The following CPN1 variants were observed in gnomAD, a reference collection of about 807,000 sequenced individuals.
The protein encoded by CPN1 is carboxypeptidase N catalytic chain.
A neutral mutation model predicts 46.4 loss-of-function variants in CPN1; 37 were observed. The observed-to-expected ratio is 0.80, with a 90% CI of 0.61 to 1.05. The LOEUF (loss-of-function observed/expected upper bound fraction) is 1.05. CPN1 is among the 50% of genes least tolerant of loss of function. The probability of loss-of-function intolerance (pLI) is 0.00; values close to 1 mark genes in which losing one functional copy is unlikely to be tolerated. For synonymous variants in CPN1, 224 were observed against 235.4 expected (o/e 0.95, Z 0.44); for missense variants, 563 against 602.6 (o/e 0.93, Z 0.69).
chr10:100,074,309 C>T (rs56318453), intron 2 of CPN1, among the ~76,000 whole-genome samples: 3,961 of 152,282 alleles, frequency 0.026, 70 homozygotes, highest in East Asian at 0.069. Context: ...GATGGGTCCT[C>T]TCGGGTTCAG....
intron 3 of CPN1, among the ~76,000 whole-genome samples, chr10:100,067,261 C>T (rs574353812): frequency 1.8e-4 from 28 of 152,066 alleles, no homozygotes; most frequent in Admixed American, 1.6e-3. Context: ...GGATTATAGG[C>T]GCCCACCACC....
intron 6 of CPN1, among the ~76,000 whole-genome samples, chr10:100,056,459 C>T (rs1189235799): frequency 6.6e-6 from 1 of 152,164 alleles, no homozygotes; most frequent in African/African-American, 2.4e-5. Context: ...TGTCTTTCCT[C>T]ACTAGAAGGT....
chr10:100,073,610 C>CTTT (rs748410671), intron 2 of CPN1, among the ~76,000 whole-genome samples: 69 of 122,404 alleles, frequency 5.6e-4, no homozygotes, highest in Middle Eastern at 4.4e-3. Flanking sequence ...GCTCTTCCAT[C>CTTT]TTTTTTTTTT....
chr10:100,073,397 G>A (rs1262604223), intron 2 of CPN1, among the ~76,000 whole-genome samples: 1 of 152,114 alleles, frequency 6.6e-6, no homozygotes, highest in Non-Finnish European at 1.5e-5. Flanking sequence ...TGGCAGGAAG[G>A]GGCTTCCCCT....
rs148133449 is a variant in CPN1 at position 100,060,476 on chromosome 10, C to T, written c.871+3138G>A. On this transcript the variant is annotated intron_variant, in intron 5 of 8. Coordinates refer to ENST00000370418, the MANE Select transcript of CPN1 (RefSeq NM_001308.3). ...ACTTGGGAGGCCGAGGCAGGAGAAT[C>T]GCTTGAGCCGGGAGGCAGAGTTGCA... Among the ~76,000 whole-genome samples the T allele has an allele frequency of 3.2e-4, 48 of 152,200 alleles. No homozygotes were observed. The East Asian group carries it at 4.6e-3, about 15-fold the overall frequency.
rs1324309328 is a variant in CPN1, at chr10:100,056,899, A to G, written c.1011+114T>C. On this transcript the variant is annotated intron_variant, in intron 6 of 8. Coordinates refer to ENST00000370418, the MANE Select transcript of CPN1 (RefSeq NM_001308.3). ...AATCTCAATGGAAGAAGACGCCCAG[A>G]TCTATTGGACTGAGTCAGAGCAAAA... 3.9e-6 allele frequency: 5 copies of G among 1,285,026 alleles called. No individual in the cohort carries two copies. The African/African-American group carries it at 7.3e-5, about 19-fold the overall frequency. The allele number at this position is 1,285,026 out of a possible 1,614,324, so 79.6% of individuals were successfully genotyped here.
intron 5 of CPN1, among the ~76,000 whole-genome samples, chr10:100,063,343 G>A (rs1247331724): frequency 2.6e-5 from 4 of 151,460 alleles, no homozygotes; most frequent in African/African-American, 4.9e-5. Context: ...GGATGGTCTC[G>A]ATCTCCTGAC....
At chr10:100,056,432 A>C (rs185248417) in intron 6 of CPN1, among the ~76,000 whole-genome samples, 7 of 152,278 alleles carry the variant, frequency 4.6e-5, no homozygotes, top group Non-Finnish European at 1.0e-4. Flanking sequence ...ATGTTATACA[A>C]TTTATTGCTT....
intron 1 of CPN1, among the ~76,000 whole-genome samples, chr10:100,077,227 C>CTTTT (rs57632037): frequency 2.2e-4 from 25 of 113,742 alleles, no homozygotes; most frequent in African/African-American, 8.6e-4. Context: ...CCGGTTTTAC[C>CTTTT]TTTTTTTTTT....
intron 2 of CPN1, 24 bp downstream of exon 2, chr10:100,075,887 C>T (rs758849544): frequency 4.3e-6 from 7 of 1,612,166 alleles, no homozygotes; most frequent in Admixed American, 1.7e-5. Context: ...GATCTCTCCC[C>T]GGCATCTCCC....
chr10:100,068,363 G>A (rs1363069516), intron 3 of CPN1, among the ~76,000 whole-genome samples: 7 of 151,458 alleles, frequency 4.6e-5, no homozygotes, highest in African/African-American at 1.5e-4. Flanking sequence ...GCAGGCGCCC[G>A]CCACCACGCC....
chr10:100,042,587 A>T lies in CPN1; in HGVS notation c.1231-14T>A. 6.2e-7 allele frequency: 1 copy of T among 1,613,858 alleles called. No individual in the cohort carries two copies. The highest frequency in any genetic ancestry group is 8.5e-7 in the Non-Finnish European group (1 of 1,179,974). The stretch of plus-strand genomic sequence containing the variant: ...GTGGAAGTTAACCTGGAAGAAAAAA[A>T]GCAGGAGCTACGAGATCCGTTTGGA... On this transcript the variant is annotated splice_polypyrimidine_tract_variant and intron_variant, in intron 8 of 8. Coordinates refer to ENST00000370418, the MANE Select transcript of CPN1 (RefSeq NM_001308.3).
intron 3 of CPN1, among the ~76,000 whole-genome samples, chr10:100,067,780 T>C (rs373973177): frequency 6.6e-6 from 1 of 152,032 alleles, no homozygotes; most frequent in Non-Finnish European, 1.5e-5. Context: ...CCTAGGAATA[T>C]GGAATGGGAT....
intron 8 of CPN1, among the ~76,000 whole-genome samples, chr10:100,044,673 G>C (rs761756171): frequency 5.3e-5 from 8 of 151,102 alleles, no homozygotes; most frequent in Non-Finnish European, 1.2e-4. Context: ...ACCGCACCCA[G>C]CTGAGACATT....
At chr10:100,064,937 A>T (rs904488495) in intron 4 of CPN1, among the ~76,000 whole-genome samples, 11 of 152,158 alleles carry the variant, frequency 7.2e-5, no homozygotes, top group African/African-American at 2.4e-4. Context: ...TTTCTTGCTC[A>T]TCATTAGCCT....
chr10:100,076,133 A>G (rs749411041), intron 1 of CPN1, 26 bp from the exon 2 acceptor site: 2 of 1,611,910 alleles, frequency 1.2e-6, no homozygotes, highest in Non-Finnish European at 1.7e-6. Flanking sequence ...AAGATGGGGG[A>G]AGCTTGGAAG....
chr10:100,062,653 A>G (rs2041427379), intron 5 of CPN1, among the ~76,000 whole-genome samples: 1 of 150,712 alleles, frequency 6.6e-6, no homozygotes, highest in Non-Finnish European at 1.5e-5. Flanking sequence ...CAGTGGTGCA[A>G]TCTTGGCTCA....
intron 1 of CPN1, among the ~76,000 whole-genome samples, chr10:100,078,048 T>C (rs531199217): frequency 6.6e-6 from 1 of 152,304 alleles, no homozygotes; most frequent in South Asian, 2.1e-4. Context: ...TTTTTCTTTT[T>C]CTTTTTTTTA....
Position 100,065,329 on chromosome 10 carries a change from G to A in CPN1, c.618C>T (p.Ser206=), listed in dbSNP as rs375566268. 2.5e-6 allele frequency: 4 copies of A among 1,614,200 alleles called. No homozygotes were observed. The highest frequency in any genetic ancestry group is 3.4e-6 in the Non-Finnish European group (4 of 1,180,038). Residue 206 remains serine, a synonymous_variant, in exon 4 of 9, where the codon TCC becomes TCT. Coordinates refer to ENST00000370418, the MANE Select transcript of CPN1 (RefSeq NM_001308.3). ...GATTGGCTGAAAGAACAAAGTTGAA[G>A]GAGTGCATCCACCGGATCACCGCCC... ...ETRAVIRWMH[S]FNFVLSANLH...
Sources: gnomAD v4.1 joint callset for allele counts (sites outside exome capture counted in the v4.1 genomes callset) on GRCh38, gnomAD v4.1.1 for gene constraint, MANE v1.5 for transcripts, NCBI Gene and HGNC (gene_info 2026-07-23, HGNC 2026-07-21) for gene names.